The following CSMD1 variants were observed in gnomAD, a reference collection of about 807,000 sequenced individuals.
CSMD1 encodes the protein CUB and sushi domain-containing protein 1.
A neutral mutation model predicts 417.5 loss-of-function variants in CSMD1; 213 were observed. The ratio of observed to expected loss-of-function variants is 0.51; its 90% CI spans 0.46 to 0.57. The LOEUF (loss-of-function observed/expected upper bound fraction) is 0.57. Among genes scored for constraint, CSMD1 ranks in the 20% least tolerant of loss-of-function variants. The probability of loss-of-function intolerance (pLI) is 0.00; values close to 1 mark genes in which losing one functional copy is unlikely to be tolerated. For missense variants in CSMD1, 6,923 were observed against 4,529.7 expected (o/e 1.53, Z -15.17); for synonymous variants, 2,862 against 1,736.8 (o/e 1.65, Z -16.11).
intron 5 of CSMD1, among the ~76,000 whole-genome samples, chr8:3,795,130 C>T (rs76041458): frequency 0.62 from 38,906 of 63,154 alleles, 14,965 homozygotes; most frequent in Middle Eastern, 0.72. Context: ...CTATCATGTA[C>T]AGCTATAGAT....
At chr8:4,559,793 G>T (rs1318487880) in intron 2 of CSMD1, among the ~76,000 whole-genome samples, 3 of 152,326 alleles carry the variant, frequency 2.0e-5, no homozygotes, top group Non-Finnish European at 4.4e-5. Flanking sequence ...TTTTCCACCT[G>T]AGACACACGT....
chr8:4,430,352 T>G (rs1326456010), intron 2 of CSMD1, among the ~76,000 whole-genome samples: 1 of 152,188 alleles, frequency 6.6e-6, no homozygotes, highest in Non-Finnish European at 1.5e-5. Flanking sequence ...CTAAAAGGCT[T>G]ACATCATTAA....
chr8:4,382,470 A>T (rs1392348773), intron 3 of CSMD1, among the ~76,000 whole-genome samples: 2 of 152,070 alleles, frequency 1.3e-5, no homozygotes, highest in African/African-American at 2.4e-5. Flanking sequence ...ATAGACCATT[A>T]ACTCTACATT....
chr8:4,052,842 C>T (rs755322935), intron 3 of CSMD1, among the ~76,000 whole-genome samples: 1 of 152,038 alleles, frequency 6.6e-6, no homozygotes, highest in African/African-American at 2.4e-5. Flanking sequence ...CTAGGTAAAC[C>T]CCTCTCCATC....
chr8:3,624,838 G>A (rs1796417456), intron 7 of CSMD1, among the ~76,000 whole-genome samples: 1 of 152,106 alleles, frequency 6.6e-6, no homozygotes. Flanking sequence ...TCATTGAATT[G>A]AAAAGTAATA....
chr8:4,134,264 C>T (rs1407654720), intron 3 of CSMD1, among the ~76,000 whole-genome samples: 8 of 152,232 alleles, frequency 5.3e-5, no homozygotes, highest in African/African-American at 1.9e-4. Context: ...AATGCCATTG[C>T]CACAAAATGT....
Position 4,710,655 on chromosome 8 carries a change from C to G in CSMD1, c.86-73097G>C, listed in dbSNP as rs991907301. The stretch of plus-strand genomic sequence containing the variant: ...GCTCAGGAGATGGAGACCACCCTGG[C>G]TAACAAGGTGAAACCCCGTCTCTAC... On this transcript the variant is annotated intron_variant, in intron 1 of 69. Coordinates refer to ENST00000635120, the MANE Select transcript of CSMD1 (RefSeq NM_033225.6). Among the ~76,000 whole-genome samples, 17 of 151,224 alleles carry G rather than the reference C, an allele frequency of 1.1e-4. No homozygotes were observed. In the East Asian group the frequency reaches 3.1e-3, roughly 28 times the overall value.
intron 1 of CSMD1, among the ~76,000 whole-genome samples, chr8:4,829,973 C>T (rs76651760): frequency 0.01 from 1,587 of 152,250 alleles, 23 homozygotes; most frequent in African/African-American, 0.036. Context: ...TGCTTACAAA[C>T]ATATCGGACA....
At chr8:4,187,098 A>C (rs563812579) in intron 3 of CSMD1, among the ~76,000 whole-genome samples, 53 of 152,356 alleles carry the variant, frequency 3.5e-4, no homozygotes, top group Admixed American at 1.3e-3. Flanking sequence ...AGGTCCCTTA[A>C]AATTCTGAAG....
At chr8:3,239,710 C>T (rs533804196) in intron 26 of CSMD1, among the ~76,000 whole-genome samples, 1 of 152,196 alleles carries the variant, frequency 6.6e-6, no homozygotes, top group Non-Finnish European at 1.5e-5. Flanking sequence ...TATAGCATAG[C>T]CTGCCTTTGC....
chr8:3,678,810 G>A (rs1028041862), intron 7 of CSMD1, among the ~76,000 whole-genome samples: 1 of 152,096 alleles, frequency 6.6e-6, no homozygotes, highest in Non-Finnish European at 1.5e-5. Context: ...ACCCACAAAG[G>A]GAAGCCCATC....
At chr8:3,911,816 A>G (rs1808485142) in intron 5 of CSMD1, among the ~76,000 whole-genome samples, 1 of 152,196 alleles carries the variant, frequency 6.6e-6, no homozygotes, top group African/African-American at 2.4e-5. Flanking sequence ...CTGTCTAATT[A>G]AACTCATTTT....
intron 3 of CSMD1, among the ~76,000 whole-genome samples, chr8:4,170,011 G>A (rs372953548): frequency 6.6e-5 from 10 of 151,730 alleles, no homozygotes; most frequent in African/African-American, 2.2e-4. Context: ...CTAAGAGATC[G>A]TAAAATCAAT....
At chr8:3,219,481 G>A (rs746248993) in intron 28 of CSMD1, 39 bp from the exon 29 acceptor site, 14 of 1,343,070 alleles carry the variant, frequency 1.0e-5, no homozygotes, top group Non-Finnish European at 1.2e-5. Flanking sequence ...ACGGCTAACA[G>A]ATATTTTATC....
At chr8:3,996,191 C>T (rs1228106895) in intron 5 of CSMD1, among the ~76,000 whole-genome samples, 2 of 152,132 alleles carry the variant, frequency 1.3e-5, no homozygotes, top group African/African-American at 2.4e-5. Flanking sequence ...TTGCTTCTAC[C>T]TCTCTCCCAA....
chr8:4,638,327 G>C (rs1162553732), intron 1 of CSMD1, among the ~76,000 whole-genome samples: 1 of 152,124 alleles, frequency 6.6e-6, no homozygotes, highest in Non-Finnish European at 1.5e-5. Flanking sequence ...AATAAGAATA[G>C]TTAGAAAAAA....
chr8:3,307,616 G>C (rs916903878), intron 25 of CSMD1, 79 bp downstream of exon 25: 4 of 1,405,442 alleles, frequency 2.8e-6, no homozygotes, highest in East Asian at 2.4e-5. Flanking sequence ...ATGGATATTT[G>C]GTGTACCACT....
At chr8:4,209,172 C>G (rs770540315) in intron 3 of CSMD1, among the ~76,000 whole-genome samples, 1 of 152,168 alleles carries the variant, frequency 6.6e-6, no homozygotes, top group Non-Finnish European at 1.5e-5. Flanking sequence ...GCCCAAGGTT[C>G]TTTCCAGATG....
intron 5 of CSMD1, among the ~76,000 whole-genome samples, chr8:3,989,744 G>T (rs1335940100): frequency 6.6e-6 from 1 of 152,198 alleles, no homozygotes; most frequent in Non-Finnish European, 1.5e-5. Flanking sequence ...TCATAGGTGG[G>T]AAACGCTAAT....
Sources: gnomAD v4.1 joint callset for allele counts (sites outside exome capture counted in the v4.1 genomes callset) on GRCh38, gnomAD v4.1.1 for gene constraint, MANE v1.5 for transcripts, NCBI Gene and HGNC (gene_info 2026-07-23, HGNC 2026-07-21) for gene names.